GRAMD2B: variants seen among roughly 807,000 people sequenced by gnomAD.
The protein encoded by GRAMD2B is GRAM domain-containing protein 2B.
GRAMD2B carries 41 observed loss-of-function variants against 59.2 expected under a neutral mutation model. The observed-to-expected ratio is 0.69, with a 90% CI of 0.54 to 0.90. The LOEUF is 0.90. Ranked by LOEUF, GRAMD2B falls within the 40% of genes least tolerant of loss-of-function variation. GRAMD2B has a pLI of 0.00. For synonymous variants in GRAMD2B, 161 were observed against 182.7 expected (o/e 0.88, Z 0.96); for missense variants, 424 against 500.5 (o/e 0.85, Z 1.46).
intron 1 of GRAMD2B, among the ~76,000 whole-genome samples, chr5:126,380,533 C>T (rs1444396670): frequency 1.3e-5 from 2 of 152,188 alleles, no homozygotes; most frequent in Non-Finnish European, 2.9e-5. Flanking sequence ...TATCCATGAG[C>T]ATGGGATGTA....
Position 126,473,340 on chromosome 5 carries a change from A to G in GRAMD2B, c.458A>G (p.His153Arg). ...GTATCAGAAAACTGGATTTGTTTTCATTCCAAAGTCTTTGGAAAAGACACA... is the reference window on the plus strand; with the variant it reads ...GTATCAGAAAACTGGATTTGTTTTCGTTCCAAAGTCTTTGGAAAAGACACA... Reference protein sequence around the residue: ...LFVSENWICFHSKVFGKDTKI... With the variant: ...LFVSENWICFRSKVFGKDTKI... The change falls in exon 5 of 14, where the codon CAT becomes CGT. Residue 153 changes from histidine to arginine, a missense_variant. Transcript: ENST00000285689. 6.6e-7 allele frequency: 1 copy of G among 1,515,522 alleles called. No homozygotes were observed. Among genetic ancestry groups the G allele is most frequent in the Non-Finnish European group, 8.9e-7 (1 of 1,118,280 alleles). 93.9% of individuals were successfully genotyped at this position (1,515,522 alleles called of 1,614,324 possible). A position where few individuals can be genotyped will look rare whatever the true frequency, so the allele number is the denominator to read the frequency against.
At chr5:126,427,068 C>T (rs1276414839) in intron 1 of GRAMD2B, among the ~76,000 whole-genome samples, 2 of 152,106 alleles carry the variant, frequency 1.3e-5, no homozygotes, top group Non-Finnish European at 2.9e-5. Context: ...TTTTGACACA[C>T]ATTTTTGTTT....
intron 1 of GRAMD2B, among the ~76,000 whole-genome samples, chr5:126,431,618 C>T (rs1412249949): frequency 6.6e-6 from 1 of 151,834 alleles, no homozygotes; most frequent in Non-Finnish European, 1.5e-5. Flanking sequence ...ATAGAGGGCA[C>T]AATGGTGATA....
upstream of GRAMD2B, among the ~76,000 whole-genome samples, chr5:126,367,569 T>C (rs1754519150): frequency 1.3e-5 from 2 of 152,088 alleles, no homozygotes; most frequent in Non-Finnish European, 2.9e-5. Flanking sequence ...GCATATTAGT[T>C]TCTTATTTAT....
At position 126,480,741 on chromosome 5, in the gene GRAMD2B, GA is replaced by G. The variant is rs777310005; in HGVS notation, c.735+37del. ...CCCACATAACTATCTAAATGCAAAA[GA>G]AAGGGAATATGTCCCACAATTACAC... On this transcript the variant is annotated intron_variant, in intron 8 of 13. Transcript: ENST00000285689. The G allele has an allele frequency of 1.9e-6, 3 of 1,562,678 alleles. No individual in the cohort carries two copies. In the South Asian group the frequency reaches 3.3e-5, roughly 17 times the overall value.
intron 1 of GRAMD2B, among the ~76,000 whole-genome samples, chr5:126,464,905 A>G (rs1391833668): frequency 1.3e-5 from 2 of 152,192 alleles, no homozygotes; most frequent in Non-Finnish European, 2.9e-5. Flanking sequence ...CTGTAAAATG[A>G]GGGTAGTAAT....
At chr5:126,483,118 T>C (rs748956379) in intron 8 of GRAMD2B, among the ~76,000 whole-genome samples, 2 of 152,244 alleles carry the variant, frequency 1.3e-5, no homozygotes, top group Non-Finnish European at 2.9e-5. Context: ...TTTTCTCTTA[T>C]ATATGTCTGT....
At chr5:126,405,122 C>G (rs1035839793) in intron 1 of GRAMD2B, among the ~76,000 whole-genome samples, 4 of 151,704 alleles carry the variant, frequency 2.6e-5, no homozygotes, top group Admixed American at 2.6e-4. Flanking sequence ...CTGACTATGA[C>G]TGGGGATGCA....
chr5:126,431,108 C>G (rs74358566), intron 1 of GRAMD2B, among the ~76,000 whole-genome samples: 5,961 of 152,200 alleles, frequency 0.039, 408 homozygotes, highest in African/African-American at 0.13. Context: ...TTAACACTTC[C>G]CAACGTTTTG....
intron 1 of GRAMD2B, among the ~76,000 whole-genome samples, chr5:126,365,984 A>G (rs1316672978): frequency 6.6e-6 from 1 of 152,216 alleles, no homozygotes; most frequent in East Asian, 1.9e-4. Context: ...CAATCTTGCC[A>G]TGTCTACTTA....
chr5:126,458,920 T>C (rs1002179771), intron 1 of GRAMD2B: 2 of 152,258 alleles, frequency 1.3e-5, no homozygotes, highest in African/African-American at 4.8e-5. Flanking sequence ...ATGGCTTCCC[T>C]TGCTTTGCTG....
chr5:126,447,601 T>C (rs1032681869), intron 1 of GRAMD2B, among the ~76,000 whole-genome samples: 9 of 150,844 alleles, frequency 6.0e-5, no homozygotes, highest in Non-Finnish European at 1.2e-4. Context: ...GAGGCGGAGC[T>C]TGCAGTGAGC....
chr5:126,487,320 CAGAG>C (rs1439666479), intron 12 of GRAMD2B, among the ~76,000 whole-genome samples: 2 of 152,088 alleles, frequency 1.3e-5, no homozygotes, highest in African/African-American at 4.8e-5. Context: ...TCAAGACACT[CAGAG>C]AAAGAAGCAA....
At chr5:126,426,050 T>C (rs978398382) in intron 1 of GRAMD2B, among the ~76,000 whole-genome samples, 1 of 152,204 alleles carries the variant, frequency 6.6e-6, no homozygotes, top group Non-Finnish European at 1.5e-5. Flanking sequence ...ACCATAGGTA[T>C]GTTGCTTGAT....
intron 1 of GRAMD2B, among the ~76,000 whole-genome samples, chr5:126,445,827 G>A (rs979503367): frequency 2.2e-4 from 33 of 152,276 alleles, no homozygotes; most frequent in African/African-American, 7.5e-4. Context: ...CAAGAGAGCC[G>A]AATCTGACTC....
intron 5 of GRAMD2B, among the ~76,000 whole-genome samples, chr5:126,475,454 A>AAT (rs1770395895): frequency 6.6e-6 from 1 of 152,174 alleles, no homozygotes; most frequent in Admixed American, 6.5e-5. Flanking sequence ...GTAGATCTCA[A>AAT]ATTCTTTTTT....
upstream of GRAMD2B, among the ~76,000 whole-genome samples, chr5:126,419,083 T>C (rs1347799361): frequency 1.3e-5 from 2 of 152,194 alleles, no homozygotes; most frequent in African/African-American, 4.8e-5. Context: ...CCACCACATG[T>C]TTTAAGTTAG....
At chr5:126,437,132 G>C (rs1337812337) in intron 1 of GRAMD2B, among the ~76,000 whole-genome samples, 1 of 152,206 alleles carries the variant, frequency 6.6e-6, no homozygotes, top group African/African-American at 2.4e-5. Flanking sequence ...ATATAGCCAG[G>C]TTTGAGTTTT....
chr5:126,451,877 G>C (rs1374390028), intron 1 of GRAMD2B, among the ~76,000 whole-genome samples: 1 of 152,042 alleles, frequency 6.6e-6, no homozygotes, highest in Admixed American at 6.6e-5. Flanking sequence ...GTTAATATGA[G>C]ATCTGGTTTT....
Sources: allele counts gnomAD v4.1 joint callset (sites outside exome capture counted in the v4.1 genomes callset), GRCh38; gene constraint gnomAD v4.1.1; transcripts MANE v1.5; gene names NCBI Gene and HGNC (gene_info 2026-07-23, HGNC 2026-07-21).